Variants in RAB20 observed in about 807,000 individuals in gnomAD.
RAB20 encodes RAB20, member RAS oncogene family.
RAB20 carries 2 observed loss-of-function variants against 3.7 expected under a neutral mutation model. The observed-to-expected ratio is 0.54, with a 90% CI of 0.22 to 1.69. RAB20 has a LOEUF of 1.69. RAB20 is among the 40% of genes most tolerant of loss of function. The pLI is 0.19. For synonymous variants in RAB20, 126 were observed against 130.8 expected (o/e 0.96, Z 0.25); for missense variants, 276 against 311.9 (o/e 0.88, Z 0.87).
In RAB20 at chr13:110,523,515, T is replaced by C; in HGVS notation, c.*150A>G. The C allele has an allele frequency of 2.2e-6, 3 of 1,391,904 alleles. No homozygotes were observed. Among genetic ancestry groups the C allele is most frequent in the African/African-American group, 1.5e-5 (1 of 68,914 alleles). 86.2% of individuals were successfully genotyped at this position (1,391,904 alleles called of 1,614,324 possible). ...ACCACACACGTTGACCTCCTCTTCA[T>C]AGCCAGCCATCATTTCCACTCCAAC... is the stretch of plus-strand genomic sequence containing the variant. On this transcript the variant is annotated 3_prime_UTR_variant, in exon 2 of 2. Coordinates refer to ENST00000267328, the MANE Select transcript of RAB20 (RefSeq NM_017817.3).
In RAB20 at chr13:110,552,911, G is replaced by A. The variant is rs145442731; in HGVS notation, c.172+8437C>T. Among the ~76,000 whole-genome samples, 692 of 152,196 alleles carry A rather than the reference G, an allele frequency of 4.5e-3. 1 individual carries two copies. Among genetic ancestry groups the A allele is most frequent in the Non-Finnish European group, 5.8e-3 (396 of 68,006 alleles). On this transcript the variant is annotated intron_variant, in intron 1 of 1. Transcript: ENST00000267328. ...CCCTGGCACCCCAGGATTCCCAGGC[G>A]CCACTCCAGGAGGCTGTGGGCCGAG... is the stretch of plus-strand genomic sequence containing the variant.
rs1022616830 is a variant in RAB20 at position 110,555,381 on chromosome 13, C to A, written c.172+5967G>T. On this transcript the variant is annotated intron_variant, in intron 1 of 1. Transcript: ENST00000267328. This position sits in a 1 kb window ranked among gnomAD's most constrained non-coding sequence, Gnocchi z 4.0. ...TCCTCTCCATTCCACACCACAGAGT[C>A]CCCCATTTTCTCAGTCCTGCCTTTT... Among the ~76,000 whole-genome samples the A allele has an allele frequency of 2.0e-5, 3 of 152,168 alleles. No homozygotes were observed. The highest frequency in any genetic ancestry group is 7.2e-5 in the African/African-American group (3 of 41,444).
intron 1 of RAB20, among the ~76,000 whole-genome samples, chr13:110,553,939 G>A (rs913953736): frequency 5.9e-5 from 9 of 152,114 alleles, no homozygotes; most frequent in Admixed American, 1.3e-4. Flanking sequence ...AATGTAGCAA[G>A]ACCCCGTCTC....
intron 1 of RAB20, among the ~76,000 whole-genome samples, chr13:110,525,084 G>T (rs971605456): frequency 1.3e-5 from 2 of 152,340 alleles, no homozygotes; most frequent in South Asian, 4.1e-4. Flanking sequence ...GGGCCAGCTG[G>T]CATGCACCCC....
At chr13:110,538,618 A>G (rs59542235) in intron 1 of RAB20, among the ~76,000 whole-genome samples, 17,053 of 119,752 alleles carry the variant, frequency 0.14, 535 homozygotes, top group South Asian at 0.19. Context: ...AAAAAAAAAA[A>G]GAAAGAAAAG....
At chr13:110,558,358 C>T (rs957034060) in intron 1 of RAB20, among the ~76,000 whole-genome samples, 1 of 149,062 alleles carries the variant, frequency 6.7e-6, no homozygotes, top group Non-Finnish European at 1.5e-5. Flanking sequence ...CTAAATCCCA[C>T]TTAACTTCTG....
intron 1 of RAB20, among the ~76,000 whole-genome samples, chr13:110,557,033 G>C (rs1465697729): frequency 6.6e-6 from 1 of 152,172 alleles, no homozygotes; most frequent in African/African-American, 2.4e-5. Context: ...AGGTGCACAT[G>C]AACAGCCCTG....
chr13:110,553,614 C>A (rs1396394073), intron 1 of RAB20, among the ~76,000 whole-genome samples: 1 of 152,206 alleles, frequency 6.6e-6, no homozygotes, highest in Non-Finnish European at 1.5e-5. Context: ...GTGGCTGTGC[C>A]AATAAAACTT....
Position 110,561,542 on chromosome 13 carries a change from C to A in RAB20, c.-23G>T. On this transcript the variant is annotated 5_prime_UTR_variant, in exon 1 of 2. Coordinates refer to ENST00000267328, the MANE Select transcript of RAB20 (RefSeq NM_017817.3). ...CATCTTCCCGTAAGAACCCCCAGCG[C>A]CCCCGCGCCCTCTCCCCGAGGCTGG... 2 of 1,535,964 alleles carry A rather than the reference C, an allele frequency of 1.3e-6. No individual in the cohort carries two copies. The highest frequency in any genetic ancestry group is 1.8e-6 in the Non-Finnish European group (2 of 1,141,552).
chr13:110,556,365 G>A (rs968745284), intron 1 of RAB20, among the ~76,000 whole-genome samples: 1 of 152,148 alleles, frequency 6.6e-6, no homozygotes, highest in African/African-American at 2.4e-5. Context: ...ATAAAACCAG[G>A]AAATCAGGCA....
intron 1 of RAB20, among the ~76,000 whole-genome samples, chr13:110,543,771 G>GTTGA (rs139608593): frequency 3.9e-3 from 303 of 78,384 alleles, no homozygotes; most frequent in African/African-American, 0.013. Context: ...TCAAATGTGG[G>GTTGA]TTATTTTTTT....
chr13:110,539,342 C>T (rs936030248), intron 1 of RAB20, among the ~76,000 whole-genome samples: 1 of 152,124 alleles, frequency 6.6e-6, no homozygotes, highest in Non-Finnish European at 1.5e-5. Flanking sequence ...ACTCAACTAC[C>T]AGGACTGCTT....
chr13:110,551,983 G>A (rs962692737), intron 1 of RAB20, among the ~76,000 whole-genome samples: 2 of 151,406 alleles, frequency 1.3e-5, no homozygotes, highest in African/African-American at 4.9e-5. Flanking sequence ...GCTGAGAGGT[G>A]GGAGGACTGC....
chr13:110,545,840 G>T (rs1422565370), intron 1 of RAB20, among the ~76,000 whole-genome samples: 1 of 152,134 alleles, frequency 6.6e-6, no homozygotes, highest in Admixed American at 6.5e-5. Context: ...ACAGTCCTTC[G>T]TTCTCTATTA....
intron 1 of RAB20, among the ~76,000 whole-genome samples, chr13:110,550,510 G>A (rs1884935880): frequency 2.0e-5 from 3 of 152,154 alleles, no homozygotes; most frequent in South Asian, 2.1e-4. Context: ...CGCTACCTCC[G>A]GGTAGATAGT....
At chr13:110,554,441 G>A (rs1248407686) in intron 1 of RAB20, among the ~76,000 whole-genome samples, 11 of 152,278 alleles carry the variant, frequency 7.2e-5, no homozygotes, top group African/African-American at 2.4e-4. Context: ...GGGGGCTCGC[G>A]GTCCTCTGAG....
chr13:110,559,499 G>A (rs1047416287), intron 1 of RAB20, among the ~76,000 whole-genome samples: 2 of 152,216 alleles, frequency 1.3e-5, no homozygotes, highest in African/African-American at 4.8e-5. Flanking sequence ...CCACCGAGGA[G>A]GCAGGCAAGG....
chr13:110,528,393 G>A (rs1430049881), intron 1 of RAB20, among the ~76,000 whole-genome samples: 1 of 131,766 alleles, frequency 7.6e-6, no homozygotes, highest in Non-Finnish European at 1.5e-5. Flanking sequence ...TCCAGCCTGG[G>A]CAAGAGTGAA....
At chr13:110,526,682 T>C (rs947384603) in intron 1 of RAB20, among the ~76,000 whole-genome samples, 1 of 152,180 alleles carries the variant, frequency 6.6e-6, no homozygotes, top group South Asian at 2.1e-4. Flanking sequence ...TCACCACAAA[T>C]ATTGGCAGCA....
Sources: allele counts gnomAD v4.1 joint callset (sites outside exome capture counted in the v4.1 genomes callset), GRCh38; gene constraint gnomAD v4.1.1; non-coding constraint Gnocchi (gnomAD v3.1); transcripts MANE v1.5; gene names NCBI Gene and HGNC (gene_info 2026-07-23, HGNC 2026-07-21).